The following NLRP5 variants were observed in gnomAD, a reference collection of about 807,000 sequenced individuals.
The protein encoded by NLRP5 is NACHT, LRR and PYD domains-containing protein 5.
NLRP5 carries 93 observed loss-of-function variants against 113.1 expected under a neutral mutation model. The ratio of observed to expected loss-of-function variants is 0.82; its 90% CI spans 0.70 to 0.98. NLRP5 has a LOEUF of 0.98. Among genes scored for constraint, NLRP5 ranks in the 50% least tolerant of loss-of-function variants. The pLI is 0.00. For synonymous variants in NLRP5, 751 were observed against 600.7 expected, an observed-to-expected ratio of 1.25 and a Z score of -3.66; for missense variants, 1,808 against 1,514.3, an observed-to-expected ratio of 1.19 and a Z score of -3.22.
At chr19:56,060,728 A>C (rs1984321146) in intron 14 of NLRP5, among the ~76,000 whole-genome samples, 2 of 151,826 alleles carry the variant, frequency 1.3e-5, no homozygotes, top group African/African-American at 2.4e-5. Flanking sequence ...GTTTTTTTAC[A>C]TGCAGAGAAT....
chr19:56,003,341 A>G (rs993250671), intron 1 of NLRP5, among the ~76,000 whole-genome samples: 86 of 152,270 alleles, frequency 5.6e-4, no homozygotes, highest in African/African-American at 1.9e-3. Flanking sequence ...TTTAATAGAG[A>G]TGGAGTTTCA....
At chr19:56,059,072 T>C (rs1003883083) in intron 14 of NLRP5, among the ~76,000 whole-genome samples, 1 of 152,142 alleles carries the variant, frequency 6.6e-6, no homozygotes, top group African/African-American at 2.4e-5. Flanking sequence ...AGTTGTGTAA[T>C]AGGTGCAGAG....
At chr19:56,016,182 C>A (rs538883240) in intron 4 of NLRP5, among the ~76,000 whole-genome samples, 1 of 151,998 alleles carries the variant, frequency 6.6e-6, no homozygotes, top group Admixed American at 6.6e-5. Flanking sequence ...AGATGGAGTT[C>A]TTTTCTTGTG....
chr19:55,990,781 T>C, the NLRP5 span, among the ~76,000 whole-genome samples: 8 of 152,174 alleles, frequency 5.3e-5, no homozygotes, highest in Admixed American at 3.3e-4. Flanking sequence ...GCCGAGATGG[T>C]GCCACTGCAT....
chr19:56,026,715 G>A (rs1982867119), intron 6 of NLRP5, among the ~76,000 whole-genome samples, 198 bp from the exon 7 acceptor site: 1 of 151,494 alleles, frequency 6.6e-6, no homozygotes, highest in Non-Finnish European at 1.5e-5. Flanking sequence ...AGTAGCTGGG[G>A]ACTACAGGTG....
In NLRP5 at chr19:56,005,258, TATATACACATACAC is replaced by T. The variant is rs1981831348; in HGVS notation, c.442+1175_442+1188del. Among the ~76,000 whole-genome samples, 3 of 144,702 alleles carry T rather than the reference TATATACACATACAC, an allele frequency of 2.1e-5. No homozygotes were observed. The South Asian group carries it at 6.3e-4, about 31-fold the overall frequency. 94.9% of individuals were successfully genotyped at this position (144,702 alleles called of 152,430 possible). ...TTATATATACACACATATATATTTA[TATATACACATACAC>T]ATATACACATATATTTTTATATATA... On this transcript the variant is annotated intron_variant, in intron 2 of 14. Coordinates refer to ENST00000390649, the MANE Select transcript of NLRP5 (RefSeq NM_153447.4).
At chr19:56,022,905 G>A (rs559677745) in intron 6 of NLRP5, among the ~76,000 whole-genome samples, 1 of 152,092 alleles carries the variant, frequency 6.6e-6, no homozygotes, top group Non-Finnish European at 1.5e-5. Context: ...TGTATTTTTA[G>A]TAGAGAGATG....
the NLRP5 span, among the ~76,000 whole-genome samples, chr19:55,991,194 T>C: frequency 6.6e-6 from 1 of 152,192 alleles, no homozygotes; most frequent in Non-Finnish European, 1.5e-5. Context: ...ATTGAGACCT[T>C]CTATTCCATT....
upstream of NLRP5, among the ~76,000 whole-genome samples, chr19:55,999,297 C>T (rs906882469): frequency 6.7e-6 from 1 of 149,210 alleles, no homozygotes; most frequent in Non-Finnish European, 1.5e-5. Flanking sequence ...TCACTGCAAC[C>T]TCTGCCTCCC....
At chr19:55,995,523 G>A (rs1370941737), upstream of NLRP5, among the ~76,000 whole-genome samples, 1 of 152,148 alleles carries the variant, frequency 6.6e-6, no homozygotes, top group Middle Eastern at 3.2e-3. Flanking sequence ...GTGAAGTCAG[G>A]TAATATGCCT....
Position 56,005,108 on chromosome 19 carries a change from ATAT to A in NLRP5, c.442+1014_442+1016del, listed in dbSNP as rs1175178517. On this transcript the variant is annotated intron_variant, in intron 2 of 14. Transcript: ENST00000390649. The stretch of plus-strand genomic sequence containing the variant: ...GACTGTGTCTCAAAAAAAAAAAAAA[ATAT>A]ATATATATATATATAATATATACAC... Among the ~76,000 whole-genome samples the A allele has an allele frequency of 6.1e-3, 691 of 113,190 alleles. 26 individuals are homozygous for A. The highest frequency in any genetic ancestry group is 0.016 in the African/African-American group (462 of 28,504). 74.3% of individuals were successfully genotyped at this position (113,190 alleles called of 152,430 possible).
At chr19:56,055,781 A>T (rs8101589) in intron 13 of NLRP5, among the ~76,000 whole-genome samples, 5 of 150,902 alleles carry the variant, frequency 3.3e-5, no homozygotes, top group Admixed American at 1.3e-4. Flanking sequence ...TCCTGACCTC[A>T]TGATCTGCCC....
intron 3 of NLRP5, among the ~76,000 whole-genome samples, chr19:56,015,404 C>T (rs1031872693): frequency 1.3e-5 from 2 of 152,166 alleles, no homozygotes; most frequent in Non-Finnish European, 2.9e-5. Context: ...CCATGTTGGC[C>T]AGGCTGGTCT....
At position 56,061,503 on chromosome 19, in the gene NLRP5, A is replaced by G; in HGVS notation, c.3578A>G (p.Asp1193Gly). The change falls in exon 15 of 15, where the codon GAT (aspartate) becomes GGT (glycine). Residue 1193 changes from aspartate (D) to glycine (G), a missense_variant. Coordinates refer to ENST00000390649, the MANE Select transcript of NLRP5 (RefSeq NM_153447.4). ...GGTAGTTGGCATTCTTTTGATGAAG[A>G]TGACCGGTACTGGTGGAAAAACTGA... is the stretch of plus-strand genomic sequence containing the variant. 2 of 1,614,050 alleles carry G rather than the reference A, an allele frequency of 1.2e-6. No homozygotes were observed. The highest frequency in any genetic ancestry group is 1.7e-6 in the Non-Finnish European group (2 of 1,179,902).
chr19:56,043,536 G>GCTGA (rs146101680), intron 11 of NLRP5, among the ~76,000 whole-genome samples: 55,030 of 114,042 alleles, frequency 0.48, 11,605 homozygotes, highest in Admixed American at 0.53. Flanking sequence ...TGTTTACTCT[G>GCTGA]CTATTCTTTT....
intron 2 of NLRP5, among the ~76,000 whole-genome samples, chr19:56,006,241 C>G (rs1981904943): frequency 6.6e-6 from 1 of 151,936 alleles, no homozygotes; most frequent in Admixed American, 6.6e-5. Context: ...CGCTTGGACA[C>G]AGGAAGGGGA....
In NLRP5 at chr19:56,027,290, C is replaced by G. The variant is rs754143651; in HGVS notation, c.1057C>G (p.Arg353Gly). 1.2e-6 allele frequency: 2 copies of G among 1,611,782 alleles called. No individual in the cohort carries two copies. The highest frequency in any genetic ancestry group is 1.3e-5 in the African/African-American group (1 of 74,928). Residue 353 changes from arginine (R) to glycine (G), a missense_variant, in exon 7 of 15, where the codon CGA becomes GGA. Transcript: ENST00000390649. ...GGCTCCGGTGACGGAGATCATGTCCCGACCAGAAAGGCTGTTGTTCATCAT... is the reference window on the plus strand; with the variant it reads ...GGCTCCGGTGACGGAGATCATGTCCGGACCAGAAAGGCTGTTGTTCATCAT...
chr19:56,017,510 T>G (rs919168537), intron 4 of NLRP5, among the ~76,000 whole-genome samples: 1 of 152,262 alleles, frequency 6.6e-6, no homozygotes, highest in Non-Finnish European at 1.5e-5. Context: ...AATTCCCTTT[T>G]GTTTCCCCTT....
chr19:56,019,897 C>T (rs57811049), intron 5 of NLRP5, among the ~76,000 whole-genome samples: 2,583 of 149,344 alleles, frequency 0.017, 82 homozygotes, highest in African/African-American at 0.061. Context: ...AGTGCAGTGG[C>T]GGGATCTCAG....
Sources: gnomAD v4.1 joint callset for allele counts (sites outside exome capture counted in the v4.1 genomes callset) on GRCh38, gnomAD v4.1.1 for gene constraint, MANE v1.5 for transcripts, NCBI Gene and HGNC (gene_info 2026-07-23, HGNC 2026-07-21) for gene names.